Variants in THSD7A observed in about 807,000 individuals in gnomAD.
THSD7A encodes the protein thrombospondin type-1 domain-containing protein 7A.
Under a neutral mutation model 231.3 loss-of-function variants are expected in THSD7A, and 96 were observed. The observed-to-expected ratio is 0.41, with a 90% CI of 0.35 to 0.49. The LOEUF is 0.49. Among genes scored for constraint, THSD7A ranks in the 20% least tolerant of loss-of-function variants. THSD7A has a pLI of 0.05. For missense variants in THSD7A, 2,290 were observed against 2,070.2 expected (o/e 1.11, Z -2.06); for synonymous variants, 940 against 743.3 (o/e 1.26, Z -4.30).
rs34929385 is a variant in THSD7A at position 11,568,986 on chromosome 7, C to CAAA, written c.1453+21471_1453+21473dup. Among the ~76,000 whole-genome samples, 1,157 of 143,028 alleles carry CAAA rather than the reference C, an allele frequency of 8.1e-3. 7 individuals carry two copies. The highest frequency in any genetic ancestry group is 0.012 in the South Asian group (55 of 4,626). 93.8% of individuals were successfully genotyped at this position (143,028 alleles called of 152,430 possible). A position where few individuals can be genotyped will look rare whatever the true frequency, so the allele number is the denominator to read the frequency against. ...AAAGCAATCCCGTTTACAATAGCTA[C>CAAA]AAAAAAAAAAACAAACCCTACACTC... On this transcript the variant is annotated intron_variant, in intron 4 of 27. Transcript: ENST00000423059.
chr7:11,707,168 C>T (rs887886519), intron 1 of THSD7A, among the ~76,000 whole-genome samples: 12 of 150,828 alleles, frequency 8.0e-5, no homozygotes, highest in Non-Finnish European at 1.5e-4. Context: ...TTCAAGTAGG[C>T]CTCTGAATTC....
intron 6 of THSD7A, among the ~76,000 whole-genome samples, chr7:11,537,913 G>A (rs1788980714): frequency 6.6e-6 from 1 of 152,200 alleles, no homozygotes; most frequent in Non-Finnish European, 1.5e-5. Context: ...CTAGAAGCCA[G>A]CCGGTTTGAC....
intron 1 of THSD7A, among the ~76,000 whole-genome samples, chr7:11,730,722 A>C (rs1781699402): frequency 6.6e-6 from 1 of 151,604 alleles, no homozygotes; most frequent in Admixed American, 6.6e-5. Flanking sequence ...TCTATTCATC[A>C]CCGGCAGCCT....
At chr7:11,717,673 G>T (rs116568955) in intron 1 of THSD7A, among the ~76,000 whole-genome samples, 1 of 151,568 alleles carries the variant, frequency 6.6e-6, no homozygotes, top group Non-Finnish European at 1.5e-5. Context: ...GTATGAGGGA[G>T]CCCATTTTGC....
chr7:11,631,198 C>T (rs1781641303), intron 2 of THSD7A, among the ~76,000 whole-genome samples: 2 of 152,060 alleles, frequency 1.3e-5, no homozygotes, highest in Non-Finnish European at 2.9e-5. Flanking sequence ...TTAGAGGAGT[C>T]TCTTTCATGC....
intron 1 of THSD7A, among the ~76,000 whole-genome samples, chr7:11,793,945 G>C (rs371805146): frequency 4.3e-4 from 65 of 151,812 alleles, no homozygotes; most frequent in African/African-American, 1.5e-3. Flanking sequence ...AAATAATTGA[G>C]TGTCAAATGA....
intron 1 of THSD7A, among the ~76,000 whole-genome samples, chr7:11,797,145 G>C (rs910790209): frequency 5.3e-5 from 8 of 152,030 alleles, no homozygotes; most frequent in Non-Finnish European, 1.0e-4. Flanking sequence ...ATATATATGT[G>C]TATATCCCCC....
chr7:11,754,298 G>A (rs1448548491), intron 1 of THSD7A, among the ~76,000 whole-genome samples: 1 of 152,022 alleles, frequency 6.6e-6, no homozygotes, highest in Non-Finnish European at 1.5e-5. Flanking sequence ...AGAACTCGAG[G>A]TAAGAGGATG....
Position 11,407,528 on chromosome 7 carries a change from A to G in THSD7A, c.3799-105T>C, listed in dbSNP as rs937515725. 65 of 786,792 alleles carry G rather than the reference A, an allele frequency of 8.3e-5. No individual in the cohort carries two copies. The Admixed American group carries it at 1.6e-3, about 19-fold the overall frequency. The allele number at this position is 786,792 out of a possible 1,614,324, so 48.7% of individuals were successfully genotyped here. A position where few individuals can be genotyped will look rare whatever the true frequency, so the allele number is the denominator to read the frequency against. ...GAAGGAGGGAGAAAAAGCAAGCCAC[A>G]TAAGAGAATAAAATGTTACCTGGAG... On this transcript the variant is annotated intron_variant, in intron 19 of 27. Transcript: ENST00000423059.
At chr7:11,441,848 G>A (rs1362649750) in intron 13 of THSD7A, among the ~76,000 whole-genome samples, 1 of 151,934 alleles carries the variant, frequency 6.6e-6, no homozygotes, top group African/African-American at 2.4e-5. Context: ...CGGGGGCTAG[G>A]GGAGGGATAG....
At chr7:11,425,820 C>T (rs1045749830) in intron 15 of THSD7A, among the ~76,000 whole-genome samples, 2 of 151,320 alleles carry the variant, frequency 1.3e-5, no homozygotes, top group Non-Finnish European at 2.9e-5. Context: ...GAAACTATAG[C>T]TTTTTATGTA....
intron 1 of THSD7A, among the ~76,000 whole-genome samples, chr7:11,792,704 G>A (rs1285222977): frequency 2.0e-5 from 3 of 151,722 alleles, no homozygotes; most frequent in South Asian, 2.1e-4. Flanking sequence ...CAAAGCAAAC[G>A]AAACAAATAA....
intron 1 of THSD7A, among the ~76,000 whole-genome samples, chr7:11,690,221 T>C (rs1245091367): frequency 6.6e-6 from 1 of 151,812 alleles, no homozygotes; most frequent in Non-Finnish European, 1.5e-5. Flanking sequence ...AAAGGACATA[T>C]TCACCTTGGT....
At chr7:11,520,893 G>C (rs1432786692) in intron 6 of THSD7A, among the ~76,000 whole-genome samples, 1 of 152,154 alleles carries the variant, frequency 6.6e-6, no homozygotes, top group Non-Finnish European at 1.5e-5. Context: ...GGTCTCAGAG[G>C]TGGTGAAATC....
At chr7:11,553,403 T>C (rs991580804) in intron 4 of THSD7A, among the ~76,000 whole-genome samples, 1 of 152,100 alleles carries the variant, frequency 6.6e-6, no homozygotes, top group Non-Finnish European at 1.5e-5. Flanking sequence ...ATTTCTGCAA[T>C]TGCCCAAGAG....
rs1279360647 is a variant in THSD7A, at chr7:11,634,848, TTTTG to T, written c.1022+1278_1022+1281del. Reference sequence around the variant, plus strand: ...TATTGTCTTAGACAGACCAATCAATTTTTGTTTATCTAATTAAACTATATCCTTT... The same window carrying T: ...TATTGTCTTAGACAGACCAATCAATTTTTATCTAATTAAACTATATCCTTT... On this transcript the variant is annotated intron_variant, in intron 2 of 27. Transcript: ENST00000423059. The surrounding 1 kb of genome is among the most constrained non-coding windows in gnomAD (Gnocchi z 4.1). Among the ~76,000 whole-genome samples, 1 of 152,116 alleles carries T rather than the reference TTTTG, an allele frequency of 6.6e-6. No individual in the cohort carries two copies. Among genetic ancestry groups the T allele is most frequent in the Admixed American group, 6.6e-5 (1 of 15,264 alleles).
intron 19 of THSD7A, among the ~76,000 whole-genome samples, chr7:11,409,814 C>A (rs1228695558): frequency 6.6e-6 from 1 of 152,096 alleles, no homozygotes. Context: ...GTGATCTTGA[C>A]TCATGGCATC....
At chr7:11,658,635 G>A (rs1281469670) in intron 1 of THSD7A, among the ~76,000 whole-genome samples, 1 of 151,544 alleles carries the variant, frequency 6.6e-6, no homozygotes, top group East Asian at 2.0e-4. Context: ...AGTCTCCTAG[G>A]GGACTCTTTA....
chr7:11,434,906 G>T (rs7796362), intron 13 of THSD7A, among the ~76,000 whole-genome samples: 1 of 151,742 alleles, frequency 6.6e-6, no homozygotes, highest in Admixed American at 6.6e-5. Flanking sequence ...TGTTCTACCC[G>T]TTGTATATTT....
Sources: allele counts gnomAD v4.1 joint callset (sites outside exome capture counted in the v4.1 genomes callset), GRCh38; gene constraint gnomAD v4.1.1; non-coding constraint Gnocchi (gnomAD v3.1); transcripts MANE v1.5; gene names NCBI Gene and HGNC (gene_info 2026-07-23, HGNC 2026-07-21).